Variants in AKAP6 observed in about 807,000 individuals in gnomAD.
AKAP6 encodes A-kinase anchoring protein 6.
A neutral mutation model predicts 188.5 loss-of-function variants in AKAP6; 58 were observed. The ratio of observed to expected loss-of-function variants is 0.31; its 90% confidence interval spans 0.25 to 0.38. The LOEUF (loss-of-function observed/expected upper bound fraction) is 0.38, where lower values mean the gene tolerates loss of function less well. Among genes scored for constraint, AKAP6 ranks in the 10% least tolerant of loss-of-function variants. The pLI is 1.00. For synonymous variants in AKAP6, 989 were observed against 998.6 expected (o/e 0.99, Z 0.18); for missense variants, 2,710 against 2,740.0 (o/e 0.99, Z 0.24).
chr14:32,429,292 T>C (rs918549768), intron 1 of AKAP6, among the ~76,000 whole-genome samples: 4 of 152,266 alleles, frequency 2.6e-5, no homozygotes, highest in African/African-American at 4.8e-5. Flanking sequence ...TTTACAGATA[T>C]AGACTCATGC....
intron 1 of AKAP6, among the ~76,000 whole-genome samples, chr14:32,408,712 A>T (rs1438243994): frequency 1.2e-5 from 1 of 85,372 alleles, no homozygotes; most frequent in Non-Finnish European, 3.4e-5. Context: ...ATCTCCAAGT[A>T]GGAGATATGT....
At chr14:32,813,398 C>CCT (rs944057549) in intron 12 of AKAP6, among the ~76,000 whole-genome samples, 15 of 124,978 alleles carry the variant, frequency 1.2e-4, no homozygotes, top group Non-Finnish European at 2.5e-4. Context: ...TACCCCCCCC[C>CCT]CCAACCCCTT....
At chr14:32,602,321 C>A (rs886741049) in intron 7 of AKAP6, among the ~76,000 whole-genome samples, 14 of 152,054 alleles carry the variant, frequency 9.2e-5, no homozygotes, top group Non-Finnish European at 2.9e-5. Context: ...CATAGCAAGA[C>A]CTTATCTCTG....
chr14:32,678,158 T>C (rs1173690693), intron 7 of AKAP6, among the ~76,000 whole-genome samples, 153 bp from the exon 8 acceptor site: 3 of 152,224 alleles, frequency 2.0e-5, no homozygotes, highest in African/African-American at 7.2e-5. Context: ...TAAAATATAA[T>C]TCTGTAATAT....
intron 13 of AKAP6, among the ~76,000 whole-genome samples, chr14:32,825,580 AATAAGACAGCTATTGATCG>A (rs1278923470): frequency 6.6e-6 from 1 of 152,198 alleles, no homozygotes; most frequent in African/African-American, 2.4e-5. Context: ...CTTCACATTT[AATAAGACAGCTATTGATCG>A]ATAATTCCAA....
At chr14:32,596,483 T>A (rs1435950788) in intron 5 of AKAP6, among the ~76,000 whole-genome samples, 2 of 152,204 alleles carry the variant, frequency 1.3e-5, no homozygotes, top group African/African-American at 4.8e-5. Context: ...GTTTCAGTCA[T>A]CATGTTTTTC....
chr14:32,397,823 C>A (rs115904330), intron 1 of AKAP6, among the ~76,000 whole-genome samples: 22 of 152,300 alleles, frequency 1.4e-4, no homozygotes, highest in African/African-American at 5.3e-4. Flanking sequence ...GAGCTCACCT[C>A]CTTGCTAAGA....
chr14:32,824,833 G>T lies in AKAP6; in HGVS notation c.*42+18G>T. On this transcript the variant is annotated intron_variant, in intron 13 of 13. Coordinates refer to ENST00000280979, the MANE Select transcript of AKAP6 (RefSeq NM_004274.5). ...ACTGAAAGGTACGTATAGTCCTCAT[G>T]CCGTATATGTATTTAAAATATTGAG... 1 of 1,528,760 alleles carries T rather than the reference G, an allele frequency of 6.5e-7. No individual in the cohort carries two copies. The allele number at this position is 1,528,760 out of a possible 1,614,324, so 94.7% of individuals were successfully genotyped here.
intron 5 of AKAP6, among the ~76,000 whole-genome samples, chr14:32,579,367 C>G (rs557446249): frequency 6.6e-6 from 1 of 152,262 alleles, no homozygotes; most frequent in Admixed American, 6.5e-5. Flanking sequence ...TGAGTTTTCT[C>G]TACTATCCCA....
At chr14:32,437,039 G>C (rs935995527) in intron 2 of AKAP6, among the ~76,000 whole-genome samples, 1 of 152,206 alleles carries the variant, frequency 6.6e-6, no homozygotes, top group African/African-American at 2.4e-5. Context: ...CTGTTCCTCT[G>C]ATCCTGGCTC....
chr14:32,781,068 A>G (rs527577167), intron 12 of AKAP6, among the ~76,000 whole-genome samples: 1 of 152,250 alleles, frequency 6.6e-6, no homozygotes, highest in South Asian at 2.1e-4. Context: ...TAGGAGAAAG[A>G]AAATAATAAA....
chr14:32,534,124 A>T (rs1423220165), intron 2 of AKAP6, among the ~76,000 whole-genome samples: 3 of 152,192 alleles, frequency 2.0e-5, no homozygotes, highest in Admixed American at 2.0e-4. Flanking sequence ...TTTTAAATAC[A>T]GATTATATAT....
At chr14:32,611,929 T>G (rs969357706) in intron 7 of AKAP6, among the ~76,000 whole-genome samples, 6 of 152,262 alleles carry the variant, frequency 3.9e-5, no homozygotes, top group Admixed American at 2.6e-4. Context: ...AGGATACATC[T>G]TCTGAGTTAG....
intron 2 of AKAP6, among the ~76,000 whole-genome samples, chr14:32,488,971 T>C (rs1202430628): frequency 2.6e-5 from 4 of 152,228 alleles, no homozygotes; most frequent in African/African-American, 9.6e-5. Context: ...TCTTTCCCGG[T>C]AATCCCCTGG....
chr14:32,691,239 C>A (rs897101746), intron 8 of AKAP6, among the ~76,000 whole-genome samples: 3 of 152,108 alleles, frequency 2.0e-5, no homozygotes, highest in Non-Finnish European at 2.9e-5. Context: ...AAGAGAAGAT[C>A]CTGGTTCTGA....
intron 2 of AKAP6, among the ~76,000 whole-genome samples, chr14:32,469,439 G>C (rs1878645815): frequency 1.3e-5 from 2 of 152,128 alleles, no homozygotes; most frequent in Non-Finnish European, 2.9e-5. Context: ...AGCGTTTCTT[G>C]GTAGTAGAAA....
chr14:32,699,716 T>C (rs1890549334), intron 9 of AKAP6, among the ~76,000 whole-genome samples: 1 of 152,220 alleles, frequency 6.6e-6, no homozygotes, highest in African/African-American at 2.4e-5. Context: ...ATCGTCAGCC[T>C]AGAAAACACA....
chr14:32,763,086 A>G (rs965027220), intron 11 of AKAP6, among the ~76,000 whole-genome samples: 1 of 152,122 alleles, frequency 6.6e-6, no homozygotes, highest in Non-Finnish European at 1.5e-5. Flanking sequence ...TTGGCACACT[A>G]CCCAACTCCT....
At chr14:32,523,217 T>G (rs1045106403) in intron 2 of AKAP6, among the ~76,000 whole-genome samples, 1 of 152,110 alleles carries the variant, frequency 6.6e-6, no homozygotes, top group Non-Finnish European at 1.5e-5. Context: ...TTAGGAGATA[T>G]ACCTAATGTA....
Sources: allele counts gnomAD v4.1 joint callset (sites outside exome capture counted in the v4.1 genomes callset), GRCh38; gene constraint gnomAD v4.1.1; transcripts MANE v1.5; gene names NCBI Gene and HGNC (gene_info 2026-07-23, HGNC 2026-07-21).